Variants in ZNF665 observed in about 807,000 individuals in gnomAD.
ZNF665 encodes zinc finger protein 665.
Under a neutral mutation model 7.9 loss-of-function variants are expected in ZNF665, and 6 were observed. The ratio of observed to expected loss-of-function variants is 0.76; its 90% CI spans 0.42 to 1.50. The LOEUF is 1.50. Among genes scored for constraint, ZNF665 ranks in the 40% most tolerant of loss-of-function variants. ZNF665 has a pLI of 0.01. For synonymous variants in ZNF665, 242 were observed against 274.5 expected, an observed-to-expected ratio of 0.88 and a Z score of 1.17; for missense variants, 819 against 806.7, an observed-to-expected ratio of 1.02 and a Z score of -0.18.
chr19:53,168,897 A>G (rs897765440), intron 3 of ZNF665, among the ~76,000 whole-genome samples: 1 of 152,170 alleles, frequency 6.6e-6, no homozygotes, highest in Non-Finnish European at 1.5e-5. Flanking sequence ...TTCATATGCA[A>G]AAAAACCCTT....
intron 3 of ZNF665, 71 bp from the exon 4 acceptor site, chr19:53,166,418 C>T (rs915123478): frequency 9.1e-6 from 12 of 1,313,542 alleles, no homozygotes; most frequent in Non-Finnish European, 1.2e-5. Context: ...CATTGAAAAA[C>T]CTAATGTTAC....
At chr19:53,184,943 G>T (rs1021684979) in intron 1 of ZNF665, among the ~76,000 whole-genome samples, 2 of 151,974 alleles carry the variant, frequency 1.3e-5, no homozygotes, top group African/African-American at 4.8e-5. Context: ...GAGAAAGAGA[G>T]AAACAGCTTA....
rs2090612659 is a variant in ZNF665 at position 53,166,105 on chromosome 19, T to C, written c.385A>G (p.Arg129Gly). Residue 129 changes from arginine (R) to glycine (G), a missense_variant, in exon 4 of 4, where the codon AGA (arginine) becomes GGA (glycine). Physicochemically the swap from Arg to Gly is moderately radical, Grantham distance 125 (BLOSUM62 -2). Transcript: ENST00000396424. ...ATATGCCTGTTTCCTGCAGCCCTTCTATCACGTTGAGCTCTTCTACCAGGG... is the reference window on the plus strand; with the variant it reads ...ATATGCCTGTTTCCTGCAGCCCTTCCATCACGTTGAGCTCTTCTACCAGGG... Reference protein sequence around the residue: ...NLPGRRAQRDRRAAGNRHIEN... With the variant: ...NLPGRRAQRDGRAAGNRHIEN... The C allele has an allele frequency of 3.7e-6, 6 of 1,614,016 alleles. No individual in the cohort carries two copies. In the East Asian group the frequency reaches 1.3e-4, roughly 36 times the overall value.
At chr19:53,174,620 AT>A (rs1371235462) in intron 3 of ZNF665, among the ~76,000 whole-genome samples, 1 of 152,084 alleles carries the variant, frequency 6.6e-6, no homozygotes, top group African/African-American at 2.4e-5. Context: ...TAATACTCAG[AT>A]CAAAAGGAGA....
At chr19:53,175,709 C>CGTAT in intron 2 of ZNF665, 138 bp from the exon 3 acceptor site, 1 of 968,652 alleles carries the variant, frequency 1.0e-6, no homozygotes, top group Non-Finnish European at 1.5e-6. Context: ...GATCACGGTA[C>CGTAT]ATACAGATTT....
chr19:53,192,043 T>C lies in ZNF665; in HGVS notation c.-46+1269A>G, dbSNP rs1454357386. On this transcript the variant is annotated intron_variant, in intron 1 of 3. Transcript: ENST00000396424. ...TTTCTTTTCTGTGTTTCAGCCTGGG[T>C]CTCTGCTCCTCATTTTGAGCCCCTC... is the stretch of plus-strand genomic sequence containing the variant. Among the ~76,000 whole-genome samples, 3 of 152,098 alleles carry C rather than the reference T, an allele frequency of 2.0e-5. 1 individual carries two copies. Among genetic ancestry groups the C allele is most frequent in the South Asian group, 4.1e-4 (2 of 4,820 alleles).
intron 3 of ZNF665, among the ~76,000 whole-genome samples, chr19:53,168,530 C>T (rs1214434730): frequency 1.3e-5 from 2 of 152,182 alleles, no homozygotes; most frequent in Non-Finnish European, 2.9e-5. Flanking sequence ...CAACACTCCC[C>T]ATTTAGCCTA....
At chr19:53,178,552 T>G (rs1206018547) in intron 2 of ZNF665, among the ~76,000 whole-genome samples, 1 of 152,062 alleles carries the variant, frequency 6.6e-6, no homozygotes, top group East Asian at 1.9e-4. Flanking sequence ...AGCAAGACCT[T>G]GTTTCTACAA....
At chr19:53,173,454 A>C (rs1156389006) in intron 3 of ZNF665, among the ~76,000 whole-genome samples, 1 of 143,274 alleles carries the variant, frequency 7.0e-6, no homozygotes, top group Non-Finnish European at 1.5e-5. Flanking sequence ...AGCTCGCTGC[A>C]ACCTCTGCCT....
At chr19:53,169,556 A>T (rs62115537) in intron 3 of ZNF665, among the ~76,000 whole-genome samples, 1 of 151,864 alleles carries the variant, frequency 6.6e-6, no homozygotes, top group African/African-American at 2.4e-5. Context: ...CTATACTTTA[A>T]GTTTTAGGGT....
chr19:53,166,481 T>C (rs1056188804), intron 3 of ZNF665, 134 bp from the exon 4 acceptor site: 2 of 806,962 alleles, frequency 2.5e-6, no homozygotes, highest in Non-Finnish European at 3.7e-6. Context: ...GAACCATAAT[T>C]TTCCAGAACA....
intron 3 of ZNF665, among the ~76,000 whole-genome samples, chr19:53,169,229 G>A (rs959519661): frequency 2.6e-5 from 4 of 152,042 alleles, no homozygotes; most frequent in Admixed American, 6.5e-5. Flanking sequence ...AAAACAAAAA[G>A]CCCAATTTTA....
chr19:53,182,969 G>GGGTA lies in ZNF665; in HGVS notation c.-45-27_-45-26insTACC, dbSNP rs764264403. On this transcript the variant is annotated intron_variant, in intron 1 of 3. Coordinates refer to ENST00000396424, the MANE Select transcript of ZNF665 (RefSeq NM_024733.5). Reference sequence around the variant, plus strand: ...CTTGGGTAACATGAAAGAGACTTTAGAATTCAATCCTGAATGTCAAAAATA... The same window carrying GGGTA: ...CTTGGGTAACATGAAAGAGACTTTAGGGTAAATTCAATCCTGAATGTCAAAAATA... 28 of 1,588,500 alleles carry GGGTA rather than the reference G, an allele frequency of 1.8e-5. No individual in the cohort carries two copies. In the Admixed American group the frequency reaches 2.7e-4, roughly 15 times the overall value.
At chr19:53,189,806 G>A (rs375911100) in intron 1 of ZNF665, among the ~76,000 whole-genome samples, 7 of 151,910 alleles carry the variant, frequency 4.6e-5, no homozygotes, top group Non-Finnish European at 1.0e-4. Flanking sequence ...AGTCTGCTAA[G>A]TAGCGGGTGT....
Position 53,165,877 on chromosome 19 carries a change from G to A in ZNF665, c.613C>T (p.Pro205Ser), listed in dbSNP as rs747621123. 2 of 1,614,122 alleles carry A rather than the reference G, an allele frequency of 1.2e-6. No individual in the cohort carries two copies. Among genetic ancestry groups the A allele is most frequent in the Admixed American group, 3.3e-5 (2 of 60,026 alleles). ...TTGCCACACTTATTACACTGGTAAG[G>A]CTTCTCTCCAGTATGAATTCTCTTA... ...SHKRIHTGEK[P>S]YQCNKCGKAF... Residue 205 changes from proline (P) to serine (S), a missense_variant, in exon 4 of 4, where the codon CCT (proline) becomes TCT (serine). Coordinates refer to ENST00000396424, the MANE Select transcript of ZNF665 (RefSeq NM_024733.5).
intron 2 of ZNF665, among the ~76,000 whole-genome samples, chr19:53,180,482 TA>T (rs1444751897): frequency 2.6e-5 from 4 of 152,042 alleles, no homozygotes; most frequent in African/African-American, 9.7e-5. Context: ...AGAAAATATT[TA>T]AAATATGATT....
At chr19:53,191,263 C>T (rs1414653342) in intron 1 of ZNF665, among the ~76,000 whole-genome samples, 1 of 152,132 alleles carries the variant, frequency 6.6e-6, no homozygotes, top group Non-Finnish European at 1.5e-5. Context: ...AGAGGCGATG[C>T]ATTCTTTGTT....
At chr19:53,183,187 A>T (rs1296577094) in intron 1 of ZNF665, among the ~76,000 whole-genome samples, 1 of 152,066 alleles carries the variant, frequency 6.6e-6, no homozygotes, top group East Asian at 1.9e-4. Context: ...CCTCCTGGAG[A>T]AGCCCCCACA....
chr19:53,165,766 C>G lies in ZNF665; in HGVS notation c.724G>C (p.Val242Leu). ...KPYKCNECGK[V>L]FSQPSNLAGH... ...GCAAGGTTTGAAGGTTGACTGAAGACCTTTCCACATTCATTACATTTGTAA... is the reference window on the plus strand; with the variant it reads ...GCAAGGTTTGAAGGTTGACTGAAGAGCTTTCCACATTCATTACATTTGTAA... Residue 242 changes from valine to leucine, a missense_variant, in exon 4 of 4, where the codon GTC (valine) becomes CTC (leucine). By Grantham distance (32) the Val-to-Leu change is conservative (BLOSUM62 1). Transcript: ENST00000396424. 1 of 1,613,932 alleles carries G rather than the reference C, an allele frequency of 6.2e-7. No individual in the cohort carries two copies. Among genetic ancestry groups the G allele is most frequent in the Non-Finnish European group, 8.5e-7 (1 of 1,180,010 alleles).
Sources: allele counts gnomAD v4.1 joint callset (sites outside exome capture counted in the v4.1 genomes callset), GRCh38; gene constraint gnomAD v4.1.1; transcripts MANE v1.5; gene names NCBI Gene and HGNC (gene_info 2026-07-23, HGNC 2026-07-21).